FAM81A: variants seen among roughly 807,000 people sequenced by gnomAD.
The protein encoded by FAM81A is protein FAM81A.
FAM81A carries 19 observed loss-of-function variants against 46.7 expected under a neutral mutation model. The ratio of observed to expected loss-of-function variants is 0.41; its 90% CI spans 0.28 to 0.60. The LOEUF (loss-of-function observed/expected upper bound fraction) is 0.60, where lower values mean the gene tolerates loss of function less well. Among genes scored for constraint, FAM81A ranks in the 20% least tolerant of loss-of-function variants. The pLI is 0.34. For missense variants in FAM81A, 377 were observed against 453.5 expected (o/e 0.83, Z 1.53); for synonymous variants, 183 against 152.9 (o/e 1.20, Z -1.45).
intron 5 of FAM81A, among the ~76,000 whole-genome samples, chr15:59,508,313 A>G (rs1264294713): frequency 5.3e-5 from 8 of 152,192 alleles, no homozygotes; most frequent in Admixed American, 4.6e-4. Context: ...GGAACATTCT[A>G]ATTTTTGCAG....
intron 4 of FAM81A, among the ~76,000 whole-genome samples, chr15:59,493,451 C>T (rs1334458505): frequency 6.6e-6 from 1 of 152,172 alleles, no homozygotes; most frequent in Non-Finnish European, 1.5e-5. Context: ...TGTTGACTCC[C>T]TCTTCTCTCT....
chr15:59,403,656 C>T (rs2081081573), intron 2 of FAM81A, among the ~76,000 whole-genome samples: 1 of 152,068 alleles, frequency 6.6e-6, no homozygotes, highest in Non-Finnish European at 1.5e-5. Context: ...GAAAGCCTTA[C>T]CTAGGGTCTT....
chr15:59,447,964 A>G lies in FAM81A; in HGVS notation c.-78+9682A>G, dbSNP rs571617935. On this transcript the variant is annotated intron_variant, in intron 1 of 8. Coordinates refer to ENST00000288228, the MANE Select transcript of FAM81A (RefSeq NM_152450.3). ...TGACTTTGAGTCTCCTGCCTCATCC[A>G]TCTTTGCTGGCCCATGGTCAAGCAG... Among the ~76,000 whole-genome samples the G allele has an allele frequency of 2.6e-5, 4 of 152,312 alleles. No individual in the cohort carries two copies. In the East Asian group the frequency reaches 7.7e-4, roughly 29 times the overall value.
chr15:59,520,825 A>C (rs544850121), intron 8 of FAM81A, among the ~76,000 whole-genome samples: 1 of 152,238 alleles, frequency 6.6e-6, no homozygotes, highest in African/African-American at 2.4e-5. Context: ...TGGCCTCCCA[A>C]AGTGCTGGGA....
chr15:59,495,461 A>G (rs1395864702), intron 4 of FAM81A, among the ~76,000 whole-genome samples: 3 of 152,210 alleles, frequency 2.0e-5, no homozygotes, highest in Non-Finnish European at 4.4e-5. Flanking sequence ...ACTATTTTAA[A>G]TAATGCTGCT....
At chr15:59,463,409 C>A (rs1388773694) in intron 3 of FAM81A, among the ~76,000 whole-genome samples, 1 of 152,142 alleles carries the variant, frequency 6.6e-6, no homozygotes, top group Non-Finnish European at 1.5e-5. Context: ...TGTAAGTTCT[C>A]CAACTTGCAA....
At chr15:59,459,236 G>T (rs542747493) in intron 2 of FAM81A, among the ~76,000 whole-genome samples, 6 of 152,152 alleles carry the variant, frequency 3.9e-5, no homozygotes, top group Non-Finnish European at 8.8e-5. Flanking sequence ...CTGGGCTCAA[G>T]CAGTCCTCCC....
intron 1 of FAM81A, among the ~76,000 whole-genome samples, chr15:59,443,829 T>A (rs1315840785): frequency 1.3e-5 from 2 of 152,174 alleles, no homozygotes; most frequent in Non-Finnish European, 2.9e-5. Flanking sequence ...TGAAGGCCTG[T>A]GCACACTGGC....
chr15:59,438,034 A>G (rs1336191365), upstream of FAM81A: 1 of 150,252 alleles, frequency 6.7e-6, no homozygotes, highest in Non-Finnish European at 1.5e-5. Flanking sequence ...TCGGGCTGCC[A>G]CGGCAACCGC....
At chr15:59,484,613 C>T (rs916412913) in intron 3 of FAM81A, among the ~76,000 whole-genome samples, 2 of 152,192 alleles carry the variant, frequency 1.3e-5, no homozygotes, top group Admixed American at 1.3e-4. Context: ...AGCCAACCAG[C>T]AGTGATAAGC....
chr15:59,429,286 T>A (rs1262648129), intron 2 of FAM81A, among the ~76,000 whole-genome samples: 1 of 152,260 alleles, frequency 6.6e-6, no homozygotes, highest in African/African-American at 2.4e-5. Context: ...AATCTTTTTT[T>A]CGTTTACTTT....
intron 1 of FAM81A, among the ~76,000 whole-genome samples, chr15:59,452,814 T>C (rs1169226182): frequency 6.6e-6 from 1 of 152,154 alleles, no homozygotes; most frequent in African/African-American, 2.4e-5. Flanking sequence ...TGAGCTGGAG[T>C]ACAGTGGCAT....
At chr15:59,513,964 A>G (rs1223958709) in intron 6 of FAM81A, among the ~76,000 whole-genome samples, 1 of 152,174 alleles carries the variant, frequency 6.6e-6, no homozygotes, top group Non-Finnish European at 1.5e-5. Context: ...TCCTCAGCAA[A>G]GTAACACAGG....
rs1567079867 is a variant in FAM81A, at chr15:59,516,896, A to G, written c.982+56A>G. 7.6e-6 allele frequency: 11 copies of G among 1,446,896 alleles called. No individual in the cohort carries two copies. In the South Asian group the frequency reaches 1.3e-4, roughly 17 times the overall value. 89.6% of individuals were successfully genotyped at this position (1,446,896 alleles called of 1,614,324 possible). On this transcript the variant is annotated intron_variant, in intron 8 of 8. Coordinates refer to ENST00000288228, the MANE Select transcript of FAM81A (RefSeq NM_152450.3). ...TTATTTTCTGTTTGTTCTAAAACCTATTAATTAGTATCCCCTGCAACTACC... is the reference window on the plus strand; with the variant it reads ...TTATTTTCTGTTTGTTCTAAAACCTGTTAATTAGTATCCCCTGCAACTACC...
chr15:59,501,299 A>G (rs1286040655), intron 4 of FAM81A, among the ~76,000 whole-genome samples: 1 of 152,136 alleles, frequency 6.6e-6, no homozygotes, highest in Admixed American at 6.6e-5. Flanking sequence ...TCTTTCCCTG[A>G]TATTTTATTA....
intron 2 of FAM81A, among the ~76,000 whole-genome samples, chr15:59,413,721 A>G (rs1596461290): frequency 6.6e-6 from 1 of 151,988 alleles, no homozygotes; most frequent in Admixed American, 6.6e-5. Context: ...AGAGTCTGAG[A>G]CCAGCCTGGG....
intron 3 of FAM81A, among the ~76,000 whole-genome samples, chr15:59,463,491 G>A (rs572333356): frequency 1.3e-5 from 2 of 152,122 alleles, no homozygotes; most frequent in African/African-American, 4.8e-5. Context: ...TAAATTTTAG[G>A]ATTAGCTTAT....
At chr15:59,428,711 A>G (rs1345603943) in intron 2 of FAM81A, among the ~76,000 whole-genome samples, 4 of 143,706 alleles carry the variant, frequency 2.8e-5, no homozygotes, top group Non-Finnish European at 6.0e-5. Flanking sequence ...GCTCATTGCA[A>G]CTTCTGCCTC....
intron 7 of FAM81A, among the ~76,000 whole-genome samples, chr15:59,514,765 G>A (rs1343460665): frequency 6.6e-6 from 1 of 152,090 alleles, no homozygotes; most frequent in Non-Finnish European, 1.5e-5. Flanking sequence ...CTTGATCTGG[G>A]TTTGCTTTTT....
Sources: gnomAD v4.1 joint callset for allele counts (sites outside exome capture counted in the v4.1 genomes callset) on GRCh38, gnomAD v4.1.1 for gene constraint, MANE v1.5 for transcripts, NCBI Gene and HGNC (gene_info 2026-07-23, HGNC 2026-07-21) for gene names.